The following TTN variants were observed in gnomAD, a reference collection of about 807,000 sequenced individuals.
TTN encodes the protein connectin.
In TTN, 1,525 loss-of-function variants were observed where a neutral mutation model predicts 3,223.0. The ratio of observed to expected loss-of-function variants is 0.47; its 90% CI spans 0.45 to 0.49. TTN has a LOEUF of 0.49. Ranked by LOEUF, TTN falls within the 20% of genes least tolerant of loss-of-function variation. The pLI is 0.00. For missense variants in TTN, 40,786 were observed against 43,424.0 expected (o/e 0.94, Z 5.40); for synonymous variants, 14,094 against 15,161.0 (o/e 0.93, Z 5.17).
At chr2:178,725,324 T>C in intron 71 of TTN, 44 bp downstream of exon 71, 1 of 1,428,992 alleles carries the variant, frequency 7.0e-7, no homozygotes, top group Non-Finnish European at 9.2e-7. Context: ...AGTAATTCAT[T>C]CCAGCATTTG....
chr2:178,620,021 C>A lies in TTN; in HGVS notation c.46396G>T (p.Asp15466Tyr). Reference sequence around the variant, plus strand: ...AAAAGTCTAGCACGAGACTTCCTGTCTTCTACCCCGCAAGCATATTCACAC... The same window carrying A: ...AAAAGTCTAGCACGAGACTTCCTGTATTCTACCCCGCAAGCATATTCACAC... ...DECEYACGVE[D>Y]RKSRARLFVE... Residue 15466 changes from aspartate to tyrosine, a missense_variant, in exon 249 of 363, where the codon GAC becomes TAC. Coordinates refer to ENST00000589042, the MANE Select transcript of TTN (RefSeq NM_001267550.2). 1.2e-6 allele frequency: 2 copies of A among 1,611,816 alleles called. No individual in the cohort carries two copies. The highest frequency in any genetic ancestry group is 1.7e-6 in the Non-Finnish European group (2 of 1,178,754).
In TTN at chr2:178,601,373, C is replaced by A. The variant is rs1391131193; in HGVS notation, c.55624G>T (p.Asp18542Tyr). ...DCGSTTFVVP[D>Y]LLSEQQYFFR... ...AAATATTGCTGTTCAGAGAGGAGAT[C>A]AGGCACTACAAATGTGGTGCTTCCA... is the stretch of plus-strand genomic sequence containing the variant. The change falls in exon 287 of 363, where the codon GAT becomes TAT. Residue 18542 changes from aspartate to tyrosine, a missense_variant. Asp to Tyr is a radical substitution (Grantham distance 160). Coordinates refer to ENST00000589042, the MANE Select transcript of TTN (RefSeq NM_001267550.2). 2.5e-6 allele frequency: 4 copies of A among 1,612,550 alleles called. No individual in the cohort carries two copies. The highest frequency in any genetic ancestry group is 3.4e-6 in the Non-Finnish European group (4 of 1,179,264).
chr2:178,562,935 T>A lies in TTN; in HGVS notation c.83197A>T (p.Ile27733Phe), dbSNP rs1393748586. 1 of 1,613,638 alleles carries A rather than the reference T, an allele frequency of 6.2e-7. No homozygotes were observed. ...EVTSSFTMLV[I>F]DNVTRFDSGR... is the part of the protein sequence containing the mutation. ...CTGTCAAATCTGGTAACATTATCAATCACCAACATTGTAAATGAGCTGGTC... is the reference window on the plus strand; with the variant it reads ...CTGTCAAATCTGGTAACATTATCAAACACCAACATTGTAAATGAGCTGGTC... Residue 27733 changes from isoleucine (I) to phenylalanine (F), a missense_variant, in exon 326 of 363, where the codon ATT becomes TTT. By Grantham distance (21) the Ile-to-Phe change is conservative (BLOSUM62 0). Transcript: ENST00000589042.
In TTN at chr2:178,621,704, A is replaced by G. The variant is rs74580375; in HGVS notation, c.45120T>C (p.Ile15040=). 5.0e-6 allele frequency: 8 copies of G among 1,611,844 alleles called. 1 individual carries two copies. The African/African-American group carries it at 8.0e-5, about 16-fold the overall frequency. The change falls in exon 245 of 363, where the codon ATT becomes ATC. Residue 15040 remains isoleucine (I), a synonymous_variant. Transcript: ENST00000589042. ...TTATAGTGTCTGTTTCACTAACTTC[A>G]ATGTTGGCAAGATTTTTGGTAAAGA... The part of the protein sequence containing the change: ...EAVFTKNLAN[I]EVSETDTIKL...
Position 178,725,885 on chromosome 2 carries a change from T to G in TTN, c.20437A>C (p.Asn6813His). 6.2e-7 allele frequency: 1 copy of G among 1,613,204 alleles called. No individual in the cohort carries two copies. The highest frequency in any genetic ancestry group is 8.5e-7 in the Non-Finnish European group (1 of 1,179,494). The change falls in exon 70 of 363, where the codon AAC becomes CAC. Residue 6813 changes from asparagine (N) to histidine (H), a missense_variant. Transcript: ENST00000589042. Reference protein sequence around the residue: ...SSKKYKIASKNFHTSIHILNV... With the variant: ...SSKKYKIASKHFHTSIHILNV... ...AGAATGTGAATACTTGTGTGGAAGT[T>G]TTTGGATGCAATCTTGTATTTCTTG...
At chr2:178,785,318 C>A (rs2093094305) in intron 15 of TTN, among the ~76,000 whole-genome samples, 1 of 152,082 alleles carries the variant, frequency 6.6e-6, no homozygotes, top group African/African-American at 2.4e-5. Flanking sequence ...ATCATTAGAA[C>A]AATAGTAATC....
intron 134 of TTN, 102 bp from the exon 135 acceptor site, chr2:178,683,005 A>T: frequency 8.3e-7 from 1 of 1,200,884 alleles, no homozygotes; most frequent in South Asian, 1.4e-5. Context: ...CGTTTGTTTC[A>T]TGCACTGATT....
rs376528148 is a variant in TTN at position 178,536,480 on chromosome 2, T to C, written c.100267A>G (p.Lys33423Glu). The C allele has an allele frequency of 2.2e-5, 35 of 1,584,494 alleles. 1 individual carries two copies. The African/African-American group carries it at 3.4e-4, about 15-fold the overall frequency. Reference protein sequence around the residue: ...WKPPASDGGAKIRNYYLEKRE... With the variant: ...WKPPASDGGAEIRNYYLEKRE... ...TTCTCAAGGTAGTAATTTCTAATCT[T>C]TGCACCTCCATCACTGGCAGGTGGC... is the stretch of plus-strand genomic sequence containing the variant. Residue 33423 changes from lysine to glutamate, a missense_variant, in exon 357 of 363, where the codon AAG (lysine) becomes GAG (glutamate). Transcript: ENST00000589042.
rs777018654 is a variant in TTN, at chr2:178,536,543, T to C, written c.100204A>G (p.Thr33402Ala). ...KPGAPGKPTITAVTKDSCVVA... is the reference protein window; with the variant it reads ...KPGAPGKPTIAAVTKDSCVVA... ...ACACAAGAATCTTTTGTGACAGCAG[T>C]AATAGTTGGTTTGCCAGGAGCACCT... is the stretch of plus-strand genomic sequence containing the variant. Residue 33402 changes from threonine to alanine, a missense_variant, in exon 357 of 363, where the codon ACT (threonine) becomes GCT (alanine). Transcript: ENST00000589042. 3 of 1,511,108 alleles carry C rather than the reference T, an allele frequency of 2.0e-6. No homozygotes were observed. The Admixed American group carries it at 7.0e-5, about 35-fold the overall frequency. 93.6% of individuals were successfully genotyped at this position (1,511,108 alleles called of 1,614,324 possible). A position where few individuals can be genotyped will look rare whatever the true frequency, so the allele number is the denominator to read the frequency against.
In TTN at chr2:178,572,307, C is replaced by T. The variant is rs55762754; in HGVS notation, c.73825G>A (p.Glu24609Lys). The stretch of plus-strand genomic sequence containing the variant: ...GGTCGTTCTGATGCTTTCACAGATT[C>T]TGCGGTTTCAGCAGGCAGCCCAATG... The part of the protein sequence containing the change: ...YGIGLPAETA[E>K]SVKASERPLP... The change falls in exon 326 of 363, where the codon GAA (glutamate) becomes AAA (lysine). Residue 24609 changes from glutamate to lysine, a missense_variant. Physicochemically the swap from Glu to Lys is moderately conservative, Grantham distance 56. Coordinates refer to ENST00000589042, the MANE Select transcript of TTN (RefSeq NM_001267550.2). The T allele has an allele frequency of 1.9e-6, 3 of 1,611,666 alleles. No individual in the cohort carries two copies. The highest frequency in any genetic ancestry group is 2.2e-5 in the East Asian group (1 of 44,706).
chr2:178,750,067 A>G (rs1298274214), intron 47 of TTN: 1 of 1,613,218 alleles, frequency 6.2e-7, no homozygotes, highest in South Asian at 1.1e-5. Context: ...CTGGGATAGG[A>G]GTAGCTGCTG....
Position 178,633,448 on chromosome 2 carries a change from C to T in TTN, c.42911G>A (p.Gly14304Asp). The change falls in exon 232 of 363, where the codon GGC (glycine) becomes GAC (aspartate). Residue 14304 changes from glycine to aspartate, a missense_variant. Gly to Asp is a moderately conservative substitution (Grantham distance 94, BLOSUM62 -1). Transcript: ENST00000589042. ...KDKGEYVCDC[G>D]TDKTKANVTV... ...AACATTTGCCTTGGTCTTGTCTGTG[C>T]CACAGTCACACACATATTCGCCTTT... 1 of 1,613,374 alleles carries T rather than the reference C, an allele frequency of 6.2e-7. No homozygotes were observed. The highest frequency in any genetic ancestry group is 8.5e-7 in the Non-Finnish European group (1 of 1,179,570).
rs750834779 is a variant in TTN at position 178,601,829 on chromosome 2, A to G, written c.55303-42T>C. On this transcript the variant is annotated intron_variant, in intron 285 of 362. Coordinates refer to ENST00000589042, the MANE Select transcript of TTN (RefSeq NM_001267550.2). ...GTAGTCATACATTGAATGAAATCAT[A>G]GCAATATTGAAGTCAACCATATTCT... is the stretch of plus-strand genomic sequence containing the variant. 13 of 1,604,858 alleles carry G rather than the reference A, an allele frequency of 8.1e-6. No individual in the cohort carries two copies. The Admixed American group carries it at 2.2e-4, about 27-fold the overall frequency.
At chr2:178,630,686 G>A (rs761343163) in intron 238 of TTN, 118 bp downstream of exon 238, 49 of 1,429,200 alleles carry the variant, frequency 3.4e-5, no homozygotes, top group Non-Finnish European at 4.5e-5. Context: ...TTGGCTTAGG[G>A]TCTGATAGAG....
chr2:178,674,501 A>G, intron 150 of TTN, 92 bp from the exon 151 acceptor site: 1 of 748,622 alleles, frequency 1.3e-6, no homozygotes, highest in Non-Finnish European at 2.0e-6. Context: ...TCAGCCTTCG[A>G]AACGCTTGTG....
chr2:178,650,523 A>G (rs1235249669), intron 209 of TTN, among the ~76,000 whole-genome samples: 1 of 152,114 alleles, frequency 6.6e-6, no homozygotes, highest in East Asian at 1.9e-4. Context: ...TTCTATGTAC[A>G]TTGGAGAAGC....
chr2:178,728,582 C>T lies in TTN; in HGVS notation c.19344G>A (p.Met6448Ile). ...NVASFRIQSV[M>I]KQDSGQYTFK... is the part of the protein sequence containing the mutation. ...AAGTGTACTGACCGCTGTCCTGCTT[C>T]ATTACTGACTGAATTCTAAAACTGG... The change falls in exon 66 of 363, where the codon ATG (methionine) becomes ATA (isoleucine). Residue 6448 changes from methionine to isoleucine, a missense_variant. Physicochemically the swap from Met to Ile is conservative, Grantham distance 10. Coordinates refer to ENST00000589042, the MANE Select transcript of TTN (RefSeq NM_001267550.2). 1 of 1,613,212 alleles carries T rather than the reference C, an allele frequency of 6.2e-7. No individual in the cohort carries two copies. The highest frequency in any genetic ancestry group is 1.1e-5 in the South Asian group (1 of 91,044).
rs781360792 is a variant in TTN, at chr2:178,667,499, G to C, written c.35656C>G (p.Pro11886Ala). Residue 11886 changes from proline (P) to alanine (A), a missense_variant, in exon 161 of 363, where the codon CCA (proline) becomes GCA (alanine). Transcript: ENST00000589042. ...KVPEPPKKVV[P>A]EDKIYVTIPK... The stretch of plus-strand genomic sequence containing the variant: ...ATAGTCACATATATTTTGTCTTCTG[G>C]AACAACTTTCTTGGGTGGCTCAGGC... 1.9e-6 allele frequency: 3 copies of C among 1,598,176 alleles called. No homozygotes were observed. Among genetic ancestry groups the C allele is most frequent in the Non-Finnish European group, 2.5e-6 (3 of 1,179,164 alleles).
In TTN at chr2:178,531,017, T is replaced by C; in HGVS notation, c.105598A>G (p.Ser35200Gly). 6.2e-7 allele frequency: 1 copy of C among 1,613,948 alleles called. No individual in the cohort carries two copies. The highest frequency in any genetic ancestry group is 8.5e-7 in the Non-Finnish European group (1 of 1,179,872). Residue 35200 changes from serine (S) to glycine (G), a missense_variant, in exon 358 of 363, where the codon AGC becomes GGC. Coordinates refer to ENST00000589042, the MANE Select transcript of TTN (RefSeq NM_001267550.2). ...SVQASDEGNY[S>G]VVVENSEGKQ... ...CCTTCACTGTTTTCTACCACCACGC[T>C]GTAATTGCCCTCATCGGAAGCCTGG...
Sources: allele counts gnomAD v4.1 joint callset (sites outside exome capture counted in the v4.1 genomes callset), GRCh38; gene constraint gnomAD v4.1.1; transcripts MANE v1.5; gene names NCBI Gene and HGNC (gene_info 2026-07-23, HGNC 2026-07-21).